PDE1A: variants seen among roughly 807,000 people sequenced by gnomAD.
PDE1A encodes the protein dual specificity calcium/calmodulin-dependent 3',5'-cyclic nucleotide phosphodiesterase 1A.
A neutral mutation model predicts 61.7 loss-of-function variants in PDE1A; 35 were observed. That is an observed-to-expected ratio of 0.57 (90% CI 0.43 to 0.75). The LOEUF (loss-of-function observed/expected upper bound fraction) is 0.75, where lower values mean the gene tolerates loss of function less well. Among genes scored for constraint, PDE1A ranks in the 30% least tolerant of loss-of-function variants. The probability of loss-of-function intolerance (pLI) is 0.00; values close to 1 mark genes in which losing one functional copy is unlikely to be tolerated. For missense variants in PDE1A, 597 were observed against 630.6 expected, an observed-to-expected ratio of 0.95 and a Z score of 0.57; for synonymous variants, 232 against 213.2, an observed-to-expected ratio of 1.09 and a Z score of -0.77.
At chr2:182,646,309 G>A in the PDE1A span, among the ~76,000 whole-genome samples, 2 of 150,494 alleles carry the variant, frequency 1.3e-5, no homozygotes, top group East Asian at 1.9e-4. Context: ...AAAAAAAAAT[G>A]GGCATAGTGG....
At chr2:182,671,288 C>T in the PDE1A span, among the ~76,000 whole-genome samples, 2 of 90,674 alleles carry the variant, frequency 2.2e-5, no homozygotes, top group Non-Finnish European at 5.5e-5. Context: ...TCTCCTGCCT[C>T]AGCCTCCCGA....
At chr2:182,515,885 A>G (rs1462196488) in intron 2 of PDE1A, among the ~76,000 whole-genome samples, 1 of 152,000 alleles carries the variant, frequency 6.6e-6, no homozygotes, top group Non-Finnish European at 1.5e-5. Flanking sequence ...AATAAAGAGT[A>G]TCTGAATCCA....
intron 1 of PDE1A, among the ~76,000 whole-genome samples, chr2:182,384,498 A>G (rs1037546508): frequency 6.7e-6 from 1 of 150,010 alleles, no homozygotes; most frequent in Admixed American, 6.6e-5. Flanking sequence ...TAAAATAGAA[A>G]TCCAGGAGCT....
the PDE1A span, among the ~76,000 whole-genome samples, chr2:182,595,181 C>G: frequency 6.6e-6 from 1 of 152,106 alleles, no homozygotes; most frequent in Non-Finnish European, 1.5e-5. Flanking sequence ...TCAATTTAAG[C>G]AAGGCCTGAA....
Position 182,264,427 on chromosome 2 carries a change from A to G in PDE1A, c.54-13T>C. The G allele has an allele frequency of 6.3e-7, 1 of 1,587,650 alleles. No individual in the cohort carries two copies. Among genetic ancestry groups the G allele is most frequent in the Non-Finnish European group, 8.6e-7 (1 of 1,156,996 alleles). ...CAAGCATCTTAGTCTATTTCAAAAA[A>G]GTAGCCAAAGAGAGAAAGAGCAAGG... On this transcript the variant is annotated splice_polypyrimidine_tract_variant and intron_variant, in intron 1 of 13. Transcript: ENST00000351439.
At chr2:182,201,399 C>T (rs1686617059) in intron 10 of PDE1A, 40 bp downstream of exon 10, 4 of 1,609,738 alleles carry the variant, frequency 2.5e-6, no homozygotes, top group South Asian at 2.2e-5. Flanking sequence ...TGCACAGTCA[C>T]TATTTCCAAA....
At chr2:182,244,275 T>G (rs184628371) in intron 2 of PDE1A, among the ~76,000 whole-genome samples, 2 of 152,228 alleles carry the variant, frequency 1.3e-5, no homozygotes, top group Non-Finnish European at 2.9e-5. Flanking sequence ...ATCTCTTTTA[T>G]CTAGTTTCCA....
chr2:182,187,737 CTTTTTTTTTTTT>C (rs1038970569), intron 11 of PDE1A, among the ~76,000 whole-genome samples: 6 of 66,380 alleles, frequency 9.0e-5, no homozygotes, highest in South Asian at 6.8e-4. Flanking sequence ...TTTTTTTGTT[CTTTTTTTTTTTT>C]TTTTTTTTTT....
chr2:182,217,609 G>C (rs1462517599), intron 7 of PDE1A, among the ~76,000 whole-genome samples: 1 of 145,270 alleles, frequency 6.9e-6, no homozygotes, highest in Non-Finnish European at 1.5e-5. Context: ...GTGGGCAAAG[G>C]ACATGAACAG....
intron 2 of PDE1A, among the ~76,000 whole-genome samples, chr2:182,484,498 C>CA (rs899135755): frequency 4.6e-5 from 7 of 151,824 alleles, no homozygotes; most frequent in Non-Finnish European, 1.0e-4. Flanking sequence ...CGCAACAAAA[C>CA]AAAAATTGAC....
chr2:182,674,944 TTTTA>T, the PDE1A span, among the ~76,000 whole-genome samples: 2 of 152,096 alleles, frequency 1.3e-5, no homozygotes, highest in Admixed American at 6.6e-5. Context: ...ATTTTGATGT[TTTTA>T]TTTATTTATT....
chr2:182,204,632 G>A (rs1468532447), intron 8 of PDE1A, among the ~76,000 whole-genome samples: 3 of 152,028 alleles, frequency 2.0e-5, no homozygotes, highest in Non-Finnish European at 4.4e-5. Flanking sequence ...TTACTTTATT[G>A]TAGTAATATT....
intron 1 of PDE1A, among the ~76,000 whole-genome samples, chr2:182,404,476 C>A (rs1473456084): frequency 6.6e-6 from 1 of 152,162 alleles, no homozygotes; most frequent in East Asian, 1.9e-4. Context: ...AACAAATTAA[C>A]TTTTTCTTAC....
chr2:182,480,340 G>T (rs900051915), intron 2 of PDE1A, among the ~76,000 whole-genome samples: 2 of 151,808 alleles, frequency 1.3e-5, no homozygotes, highest in South Asian at 4.1e-4. Context: ...GGAAGCAATC[G>T]CATCATATAT....
intron 2 of PDE1A, among the ~76,000 whole-genome samples, chr2:182,250,072 A>G (rs1260550496): frequency 1.3e-5 from 2 of 152,296 alleles, no homozygotes; most frequent in African/African-American, 2.4e-5. Flanking sequence ...TTACTGATTG[A>G]TAAGTTATCC....
At chr2:182,307,727 G>A (rs924375252) in intron 1 of PDE1A, among the ~76,000 whole-genome samples, 8 of 152,070 alleles carry the variant, frequency 5.3e-5, no homozygotes, top group East Asian at 3.8e-4. Context: ...AAAATGCTTT[G>A]CTGGGAATCA....
At chr2:182,636,217 C>A in the PDE1A span, among the ~76,000 whole-genome samples, 1 of 152,080 alleles carries the variant, frequency 6.6e-6, no homozygotes, top group Admixed American at 6.5e-5. Flanking sequence ...CTCAGCCTCC[C>A]AAAGTGCTGG....
chr2:182,457,731 T>C (rs1231548042), intron 2 of PDE1A, among the ~76,000 whole-genome samples: 3 of 152,030 alleles, frequency 2.0e-5, no homozygotes, highest in African/African-American at 4.8e-5. Context: ...CAAAAATAAC[T>C]CTAGGAAGTG....
chr2:182,671,076 C>T, the PDE1A span, among the ~76,000 whole-genome samples: 1 of 152,130 alleles, frequency 6.6e-6, no homozygotes, highest in African/African-American at 2.4e-5. Flanking sequence ...CCTTGGCCTC[C>T]CAAAGTGCTG....
Sources: gnomAD v4.1 joint callset for allele counts (sites outside exome capture counted in the v4.1 genomes callset) on GRCh38, gnomAD v4.1.1 for gene constraint, MANE v1.5 for transcripts, NCBI Gene and HGNC (gene_info 2026-07-23, HGNC 2026-07-21) for gene names.